Variants in OPTC observed in about 807,000 individuals in gnomAD.
The protein encoded by OPTC is oculoglycan.
In OPTC, 22 loss-of-function variants were observed where a neutral mutation model predicts 25.4. The observed-to-expected ratio is 0.87, with a 90% CI of 0.62 to 1.24. OPTC has a LOEUF of 1.24. Ranked by LOEUF, OPTC falls within the 50% of genes most tolerant of loss-of-function variation. The pLI, the probability that OPTC is intolerant of heterozygous loss-of-function variation, is 0.00. For synonymous variants in OPTC, 169 were observed against 179.3 expected (o/e 0.94, Z 0.46); for missense variants, 417 against 425.2 (o/e 0.98, Z 0.17).
In OPTC at chr1:203,506,215, G is replaced by C. The variant is rs1304682015; in HGVS notation, c.*26-2431G>C. Among the ~76,000 whole-genome samples the C allele has an allele frequency of 1.9e-4, 28 of 147,248 alleles. 1 individual carries two copies. The highest frequency in any genetic ancestry group is 1.9e-3 in the Admixed American group (28 of 14,734). ...TGCCCAGGGGGGAGTGCAATGGCGT[G>C]ATCTTGGCTCACCACAACCTCTGCC... On this transcript the variant is annotated intron_variant, in intron 7 of 7. Coordinates refer to ENST00000367222, the MANE Select transcript of OPTC (RefSeq NM_014359.4).
At position 203,497,032 on chromosome 1, in the gene OPTC, C is replaced by G; in HGVS notation, c.287C>G (p.Thr96Arg). Residue 96 changes from threonine to arginine, a missense_variant, in exon 3 of 8, where the codon ACG (threonine) becomes AGG (arginine). Transcript: ENST00000367222. Reference sequence around the variant, plus strand: ...AGCATCAGTCCCGCCAAGAGCACTACGGCTCCAGGGACACCCTCGTCAAAC... The same window carrying G: ...AGCATCAGTCCCGCCAAGAGCACTAGGGCTCCAGGGACACCCTCGTCAAAC... Reference protein sequence around the residue: ...ATSISPAKSTTAPGTPSSNPT... With the variant: ...ATSISPAKSTRAPGTPSSNPT... 2 of 1,614,074 alleles carry G rather than the reference C, an allele frequency of 1.2e-6. No individual in the cohort carries two copies. Among genetic ancestry groups the G allele is most frequent in the Non-Finnish European group, 8.5e-7 (1 of 1,179,982 alleles).
intron 7 of OPTC, among the ~76,000 whole-genome samples, chr1:203,504,355 G>T (rs553539760): frequency 5.3e-5 from 8 of 152,182 alleles, no homozygotes; most frequent in African/African-American, 1.9e-4. Flanking sequence ...GTCTGTATGG[G>T]GGAAACTCTA....
chr1:203,502,097 T>C (rs1485776293), intron 5 of OPTC, among the ~76,000 whole-genome samples: 2 of 152,110 alleles, frequency 1.3e-5, no homozygotes, highest in African/African-American at 4.8e-5. Flanking sequence ...TTAAATAAGA[T>C]AGCATTTTAC....
chr1:203,508,093 A>T (rs1190567759), intron 7 of OPTC, among the ~76,000 whole-genome samples: 2 of 152,214 alleles, frequency 1.3e-5, no homozygotes, highest in Non-Finnish European at 2.9e-5. Flanking sequence ...CCAGAGAAAG[A>T]TGACTTAACA....
chr1:203,496,396 A>T (rs1313832497), intron 2 of OPTC, among the ~76,000 whole-genome samples, 160 bp downstream of exon 2: 1 of 152,120 alleles, frequency 6.6e-6, no homozygotes, highest in Non-Finnish European at 1.5e-5. Flanking sequence ...CACTTAGATG[A>T]TACTAAGAAA....
chr1:203,500,132 T>A (rs114445238), intron 5 of OPTC, among the ~76,000 whole-genome samples: 34 of 212 alleles, frequency 0.16, 1 homozygote, highest in South Asian at 0.5. Context: ...ACCACCTACC[T>A]CCACCACCAC....
Position 203,496,150 on chromosome 1 carries a change from G to C in OPTC, c.145G>C (p.Asp49His), listed in dbSNP as rs1178802552. ...DSFEVLPLRN[D>H]VLNPDNYGEV... ...CTTTGAAGTTCTGCCTCTGCGGAAT[G>C]ATGTCCTGAACCCAGACAACTATGG... is the stretch of plus-strand genomic sequence containing the variant. Residue 49 changes from aspartate (D) to histidine (H), a missense_variant, in exon 2 of 8, where the codon GAT (aspartate) becomes CAT (histidine). Physicochemically the swap from Asp to His is moderately conservative, Grantham distance 81 (BLOSUM62 -1). Coordinates refer to ENST00000367222, the MANE Select transcript of OPTC (RefSeq NM_014359.4). The C allele has an allele frequency of 6.2e-7, 1 of 1,614,174 alleles. No homozygotes were observed. Among genetic ancestry groups the C allele is most frequent in the East Asian group, 2.2e-5 (1 of 44,880 alleles).
rs553656496 is a variant in OPTC at position 203,496,202 on chromosome 1, A to G, written c.197A>G (p.Glu66Gly). ...YGEVIDLSNY[E>G]ELTDYGDQLP... The stretch of plus-strand genomic sequence containing the variant: ...GAAGTCATTGACCTGAGCAACTATG[A>G]GGAGCTCACAGATTATGGGGACCAA... Residue 66 changes from glutamate (E) to glycine (G), a missense_variant, in exon 2 of 8, where the codon GAG (glutamate) becomes GGG (glycine). Glu to Gly is a moderately conservative substitution (Grantham distance 98). Coordinates refer to ENST00000367222, the MANE Select transcript of OPTC (RefSeq NM_014359.4). 2.7e-5 allele frequency: 44 copies of G among 1,614,088 alleles called. 1 individual carries two copies. The South Asian group carries it at 4.0e-4, about 15-fold the overall frequency.
At position 203,497,134 on chromosome 1, in the gene OPTC, G is replaced by C; in HGVS notation, c.370+19G>C. On this transcript the variant is annotated intron_variant, in intron 3 of 7. Coordinates refer to ENST00000367222, the MANE Select transcript of OPTC (RefSeq NM_014359.4). Reference sequence around the variant, plus strand: ...AACCATGGTAAGTGCACAGTCACATGGTCGCAATATCCCTAGGTCATAGGC... The same window carrying C: ...AACCATGGTAAGTGCACAGTCACATCGTCGCAATATCCCTAGGTCATAGGC... The C allele has an allele frequency of 6.2e-7, 1 of 1,613,752 alleles. No homozygotes were observed. The highest frequency in any genetic ancestry group is 1.7e-5 in the Admixed American group (1 of 59,986).
rs371346995 is a variant in OPTC at position 203,506,745 on chromosome 1, C to T, written c.*26-1901C>T. ...TTCAGACTGCAGATGAAGAAACAGG[C>T]TTCTGAAAGGGGAGAGGCCCAAACC... On this transcript the variant is annotated intron_variant, in intron 7 of 7. Transcript: ENST00000367222. Among the ~76,000 whole-genome samples the T allele has an allele frequency of 6.6e-5, 10 of 152,356 alleles. No individual in the cohort carries two copies. In the South Asian group the frequency reaches 8.3e-4, roughly 13 times the overall value.
At chr1:203,502,441 G>T (rs1571600265) in intron 5 of OPTC, among the ~76,000 whole-genome samples, 1 of 152,148 alleles carries the variant, frequency 6.6e-6, no homozygotes, top group Non-Finnish European at 1.5e-5. Context: ...GCAGCTGTGG[G>T]GTCTCCTTTA....
At chr1:203,508,247 C>T (rs555160831) in intron 7 of OPTC, among the ~76,000 whole-genome samples, 3 of 152,296 alleles carry the variant, frequency 2.0e-5, no homozygotes, top group South Asian at 4.1e-4. Flanking sequence ...CTACCACGTC[C>T]CCCCAAAATG....
chr1:203,494,378 T>A (rs569578206), intron 1 of OPTC, among the ~76,000 whole-genome samples, 161 bp downstream of exon 1: 26 of 152,120 alleles, frequency 1.7e-4, no homozygotes, highest in Admixed American at 3.3e-4. Flanking sequence ...CTTAGAAAAA[T>A]TTTTTTTGAG....
chr1:203,505,271 C>A (rs1030418910), intron 7 of OPTC, among the ~76,000 whole-genome samples: 1 of 152,184 alleles, frequency 6.6e-6, no homozygotes, highest in Non-Finnish European at 1.5e-5. Context: ...ACACCAATAA[C>A]CATGCTATTC....
At chr1:203,498,631 C>T (rs1057341222) in intron 3 of OPTC, 50 bp from the exon 4 acceptor site, 19 of 1,611,116 alleles carry the variant, frequency 1.2e-5, no homozygotes, top group Non-Finnish European at 1.6e-5. Context: ...GGGCCATTGG[C>T]CCCAGAGGCT....
Position 203,499,675 on chromosome 1 carries a change from A to G in OPTC, c.556A>G (p.Asn186Asp), listed in dbSNP as rs1311980427. The G allele has an allele frequency of 1.2e-6, 2 of 1,613,434 alleles. No homozygotes were observed. The highest frequency in any genetic ancestry group is 3.3e-5 in the Admixed American group (2 of 59,988). Residue 186 changes from asparagine to aspartate, a missense_variant, in exon 5 of 8, where the codon AAC becomes GAC. By Grantham distance (23) the Asn-to-Asp change is conservative. Transcript: ENST00000367222. ...AAAGTTGAAGAGGATTGACCTCTCCAACAACCTCATTTCCTCCATCGATAA... is the reference window on the plus strand; with the variant it reads ...AAAGTTGAAGAGGATTGACCTCTCCGACAACCTCATTTCCTCCATCGATAA... ...LTKLKRIDLS[N>D]NLISSIDNDA...
chr1:203,504,354 G>A (rs960488233), intron 7 of OPTC, among the ~76,000 whole-genome samples: 1 of 152,016 alleles, frequency 6.6e-6, no homozygotes, highest in East Asian at 1.9e-4. Context: ...TGTCTGTATG[G>A]GGGAAACTCT....
chr1:203,503,586 T>C lies in OPTC; in HGVS notation c.865T>C (p.Cys289Arg), dbSNP rs775806321. Residue 289 changes from cysteine to arginine, a missense_variant, in exon 7 of 8, where the codon TGT becomes CGT. Coordinates refer to ENST00000367222, the MANE Select transcript of OPTC (RefSeq NM_014359.4). ...AGAGACCATGCAGAGAGACGTCTTC[T>C]GTGACCCCGAGGAGCACAAACACAC... ...LIETMQRDVF[C>R]DPEEHKHTRR... 1.2e-6 allele frequency: 2 copies of C among 1,613,736 alleles called. No individual in the cohort carries two copies. The highest frequency in any genetic ancestry group is 2.2e-5 in the South Asian group (2 of 91,084).
chr1:203,498,938 G>A, intron 4 of OPTC, 99 bp downstream of exon 4: 1 of 1,350,472 alleles, frequency 7.4e-7, no homozygotes, highest in Non-Finnish European at 1.1e-6. Context: ...CCCCGTGTTA[G>A]CTCTTTCCTG....
Sources: gnomAD v4.1 joint callset for allele counts (sites outside exome capture counted in the v4.1 genomes callset) on GRCh38, gnomAD v4.1.1 for gene constraint, MANE v1.5 for transcripts, NCBI Gene and HGNC (gene_info 2026-07-23, HGNC 2026-07-21) for gene names.